The following DNAH7 variants were observed in gnomAD, a reference collection of about 807,000 sequenced individuals.
DNAH7 encodes axonemal beta dynein heavy chain 7.
A neutral mutation model predicts 444.6 loss-of-function variants in DNAH7; 397 were observed. The ratio of observed to expected loss-of-function variants is 0.89; its 90% CI spans 0.82 to 0.97. The LOEUF (loss-of-function observed/expected upper bound fraction) is 0.97, where lower values mean the gene tolerates loss of function less well. Among genes scored for constraint, DNAH7 ranks in the 50% least tolerant of loss-of-function variants. DNAH7 has a pLI of 0.00. For synonymous variants in DNAH7, 1,636 were observed against 1,624.4 expected (o/e 1.01, Z -0.17); for missense variants, 4,902 against 4,800.8 (o/e 1.02, Z -0.62).
At position 195,748,977 on chromosome 2, in the gene DNAH7, T is replaced by G. The variant is rs549807089; in HGVS notation, c.11764+5360A>C. The stretch of plus-strand genomic sequence containing the variant: ...AAAGCAATGGCAACAAAGCCAAAAT[T>G]GACAAATGGGATCTAATTAAACTAA... On this transcript the variant is annotated intron_variant, in intron 63 of 64. Transcript: ENST00000312428. 2.0e-5 allele frequency among the ~76,000 whole-genome samples: 3 copies of G among 152,072 alleles called. No homozygotes were observed. In the East Asian group the frequency reaches 5.8e-4, roughly 29 times the overall value.
At chr2:195,852,891 TACACAC>T (rs4014237) in intron 46 of DNAH7, among the ~76,000 whole-genome samples, 43 of 139,048 alleles carry the variant, frequency 3.1e-4, no homozygotes, top group South Asian at 4.8e-4. Flanking sequence ...GCTGATGAAG[TACACAC>T]ACACACACAC....
chr2:195,939,888 G>GA lies in DNAH7; in HGVS notation c.3079-3097dup, dbSNP rs562750211. ...AAATAAGAGAGAACACAAACAAATGGAAAAAAATTCCATGCTCATGGATAG... is the reference window on the plus strand; with the variant it reads ...AAATAAGAGAGAACACAAACAAATGGAAAAAAAATTCCATGCTCATGGATAG... On this transcript the variant is annotated intron_variant, in intron 19 of 64. Coordinates refer to ENST00000312428, the MANE Select transcript of DNAH7 (RefSeq NM_018897.3). Among the ~76,000 whole-genome samples, 19 of 152,136 alleles carry GA rather than the reference G, an allele frequency of 1.2e-4. No homozygotes were observed. The South Asian group carries it at 2.3e-3, about 18-fold the overall frequency.
chr2:195,747,678 C>A (rs143274767), intron 63 of DNAH7, among the ~76,000 whole-genome samples: 7 of 152,156 alleles, frequency 4.6e-5, no homozygotes, highest in African/African-American at 1.7e-4. Flanking sequence ...AGGCTGGTTC[C>A]ATATATGCAA....
At chr2:195,778,901 T>C (rs1188000010) in intron 58 of DNAH7, among the ~76,000 whole-genome samples, 1 of 149,790 alleles carries the variant, frequency 6.7e-6, no homozygotes, top group East Asian at 2.0e-4. Context: ...TGGAGTGCAA[T>C]GGCACGATCT....
Position 195,960,781 on chromosome 2 carries a change from T to C in DNAH7, c.2370A>G (p.Lys790=), listed in dbSNP as rs781314634. 1.9e-6 allele frequency: 3 copies of C among 1,614,082 alleles called. No homozygotes were observed. The highest frequency in any genetic ancestry group is 3.3e-5 in the Admixed American group (2 of 60,006). The change falls in exon 18 of 65, where the codon AAA becomes AAG. Residue 790 remains lysine (K), a synonymous_variant. Transcript: ENST00000312428. The part of the protein sequence containing the change: ...YRAWTEGPYH[K]VNPDQVEADI... ...CTGCTTCTACTTGGTCTGGATTCAC[T>C]TTATGATATGGCCCTTCTGTCCATG...
chr2:195,885,079 AT>A (rs1273646930), intron 34 of DNAH7, among the ~76,000 whole-genome samples: 1 of 152,196 alleles, frequency 6.6e-6, no homozygotes. Context: ...TAAATCTCAC[AT>A]TTTCAACACA....
chr2:196,046,884 A>T (rs1227256276), intron 5 of DNAH7, among the ~76,000 whole-genome samples: 1 of 152,220 alleles, frequency 6.6e-6, no homozygotes, highest in Non-Finnish European at 1.5e-5. Flanking sequence ...GGCAAAGAAG[A>T]GCTGGTGACT....
At chr2:195,872,933 GAAAA>G (rs1234579079) in intron 39 of DNAH7, among the ~76,000 whole-genome samples, 1 of 150,180 alleles carries the variant, frequency 6.7e-6, no homozygotes, top group Non-Finnish European at 1.5e-5. Flanking sequence ...AAGGAAAAGA[GAAAA>G]AAAGGAAAGT....
intron 1 of DNAH7, 149 bp downstream of exon 1, chr2:196,068,548 G>A: frequency 9.4e-7 from 1 of 1,064,190 alleles, no homozygotes; most frequent in Non-Finnish European, 1.3e-6. Context: ...AAAGCGCTCA[G>A]TAACCCAGGC....
At chr2:195,941,513 T>C (rs368569437) in intron 19 of DNAH7, among the ~76,000 whole-genome samples, 6 of 147,124 alleles carry the variant, frequency 4.1e-5, no homozygotes, top group African/African-American at 1.3e-4. Context: ...CCATGACATA[T>C]GTATACGAAG....
chr2:195,951,091 C>G (rs1690222325), intron 19 of DNAH7, among the ~76,000 whole-genome samples: 1 of 152,082 alleles, frequency 6.6e-6, no homozygotes, highest in South Asian at 2.1e-4. Flanking sequence ...CTATAAAGTT[C>G]CCTCTAAACA....
chr2:195,864,963 T>C lies in DNAH7; in HGVS notation c.6692A>G (p.Asn2231Ser). 3 of 1,607,610 alleles carry C rather than the reference T, an allele frequency of 1.9e-6. No individual in the cohort carries two copies. The highest frequency in any genetic ancestry group is 2.5e-6 in the Non-Finnish European group (3 of 1,179,948). ...GTTTCTCAAAATTTCTTGAATGTAG[T>C]TGATGAGCCAGCTTCTGTCTGTATT... Reference protein sequence around the residue: ...LDNTDRSWLINYIQEILRNYM... With the variant: ...LDNTDRSWLISYIQEILRNYM... The change falls in exon 41 of 65, where the codon AAC (asparagine) becomes AGC (serine). Residue 2231 changes from asparagine to serine, a missense_variant. By Grantham distance (46) the Asn-to-Ser change is conservative. Transcript: ENST00000312428.
intron 8 of DNAH7, among the ~76,000 whole-genome samples, chr2:196,021,484 A>G (rs1695378173): frequency 6.6e-6 from 1 of 152,152 alleles, no homozygotes; most frequent in Non-Finnish European, 1.5e-5. Flanking sequence ...TGTTTATGCT[A>G]TACTGTAGTC....
chr2:195,963,994 C>T (rs992717976), intron 17 of DNAH7, among the ~76,000 whole-genome samples: 1 of 152,188 alleles, frequency 6.6e-6, no homozygotes, highest in Non-Finnish European at 1.5e-5. Context: ...CAGTACCATG[C>T]TGCTTTGGTT....
chr2:195,785,907 C>T (rs61662506), intron 58 of DNAH7, among the ~76,000 whole-genome samples: 1,802 of 152,226 alleles, frequency 0.012, 34 homozygotes, highest in African/African-American at 0.04. Flanking sequence ...CACTGTATCA[C>T]TGCATTTTTG....
At chr2:195,859,467 T>A (rs1456749375) in intron 42 of DNAH7, among the ~76,000 whole-genome samples, 2 of 152,130 alleles carry the variant, frequency 1.3e-5, no homozygotes, top group Admixed American at 6.6e-5. Context: ...TCTGCAAATA[T>A]ATATATATGT....
At chr2:195,784,226 A>C (rs1223631914) in intron 58 of DNAH7, among the ~76,000 whole-genome samples, 1 of 152,164 alleles carries the variant, frequency 6.6e-6, no homozygotes, top group East Asian at 1.9e-4. Flanking sequence ...TTGCTGCCCT[A>C]AATAAAAATC....
chr2:196,034,770 G>A (rs1056685969), intron 5 of DNAH7, among the ~76,000 whole-genome samples: 1 of 152,136 alleles, frequency 6.6e-6, no homozygotes, highest in Non-Finnish European at 1.5e-5. Flanking sequence ...GGGATTAGGG[G>A]TTGAAACATT....
chr2:196,027,941 A>C lies in DNAH7; in HGVS notation c.486+19T>G, dbSNP rs1307699175. ...TTCTTTCCTTTTCAATTATACAGACAAAACAAATGGCCAGTTACCAAGATG... is the reference window on the plus strand; with the variant it reads ...TTCTTTCCTTTTCAATTATACAGACCAAACAAATGGCCAGTTACCAAGATG... On this transcript the variant is annotated intron_variant, in intron 6 of 64. Coordinates refer to ENST00000312428, the MANE Select transcript of DNAH7 (RefSeq NM_018897.3). The C allele has an allele frequency of 6.2e-7, 1 of 1,606,810 alleles. No individual in the cohort carries two copies.
Sources: gnomAD v4.1 joint callset for allele counts (sites outside exome capture counted in the v4.1 genomes callset) on GRCh38, gnomAD v4.1.1 for gene constraint, MANE v1.5 for transcripts, NCBI Gene and HGNC (gene_info 2026-07-23, HGNC 2026-07-21) for gene names.